The following TMEM62 variants were observed in gnomAD, a reference collection of about 807,000 sequenced individuals.
TMEM62 encodes transmembrane protein 62.
TMEM62 carries 41 observed loss-of-function variants against 70.4 expected under a neutral mutation model. The ratio of observed to expected loss-of-function variants is 0.58; its 90% CI spans 0.45 to 0.76. TMEM62 has a LOEUF of 0.76. TMEM62 is among the 30% of genes least tolerant of loss of function. The pLI, the probability that TMEM62 is intolerant of heterozygous loss-of-function variation, is 0.00. For missense variants in TMEM62, 688 were observed against 788.5 expected (o/e 0.87, Z 1.53); for synonymous variants, 268 against 291.0 (o/e 0.92, Z 0.80).
chr15:43,157,423 A>G (rs1393533343), intron 9 of TMEM62, among the ~76,000 whole-genome samples: 1 of 152,210 alleles, frequency 6.6e-6, no homozygotes, highest in Non-Finnish European at 1.5e-5. Flanking sequence ...TCTAATCTCA[A>G]ACATTAGAAA....
chr15:43,133,896 C>G lies in TMEM62; in HGVS notation c.94C>G (p.Pro32Ala). The G allele has an allele frequency of 2.0e-6, 3 of 1,500,488 alleles. No individual in the cohort carries two copies. The highest frequency in any genetic ancestry group is 2.6e-6 in the Non-Finnish European group (3 of 1,132,772). 92.9% of individuals were successfully genotyped at this position (1,500,488 alleles called of 1,614,324 possible). ...LLEHYGLAGQ[P>A]SPLPRPAPPR... is the part of the protein sequence containing the mutation. ...GGAGCACTACGGCCTGGCGGGCCAG[C>G]CCTCGCCGCTGCCGCGCCCCGCGCC... The change falls in exon 1 of 14, where the codon CCC becomes GCC. Residue 32 changes from proline (P) to alanine (A), a missense_variant. Coordinates refer to ENST00000260403, the MANE Select transcript of TMEM62 (RefSeq NM_024956.4).
intron 4 of TMEM62, among the ~76,000 whole-genome samples, chr15:43,142,415 G>A (rs894394461): frequency 6.6e-6 from 1 of 151,776 alleles, no homozygotes; most frequent in South Asian, 2.1e-4. Flanking sequence ...TGCCCACCTC[G>A]GCCTCCCAAA....
Position 43,160,753 on chromosome 15 carries a change from C to A in TMEM62, c.1255C>A (p.Pro419Thr). Reference protein sequence around the residue: ...VQENNHLSFDPLASFILRTDH... With the variant: ...VQENNHLSFDTLASFILRTDH... ...AGAGAATAATCATCTCAGTTTTGAT[C>A]CCCTGGCATCATTTATTCTCCGTAC... The change falls in exon 10 of 14, where the codon CCC (proline) becomes ACC (threonine). Residue 419 changes from proline to threonine, a missense_variant. Coordinates refer to ENST00000260403, the MANE Select transcript of TMEM62 (RefSeq NM_024956.4). The A allele has an allele frequency of 1.2e-6, 2 of 1,611,964 alleles. No homozygotes were observed. The highest frequency in any genetic ancestry group is 1.1e-5 in the South Asian group (1 of 90,922).
intron 4 of TMEM62, among the ~76,000 whole-genome samples, chr15:43,141,812 A>G (rs939237729): frequency 2.6e-5 from 4 of 152,312 alleles, no homozygotes; most frequent in Non-Finnish European, 4.4e-5. Flanking sequence ...GTTGATTCCA[A>G]CCCTCATGGA....
At chr15:43,169,351 T>C (rs2039948918) in intron 10 of TMEM62, among the ~76,000 whole-genome samples, 1 of 152,238 alleles carries the variant, frequency 6.6e-6, no homozygotes, top group Non-Finnish European at 1.5e-5. Flanking sequence ...ACTCTAGAGC[T>C]GTTTTAGGAG....
chr15:43,142,609 AT>A (rs1183488871), intron 4 of TMEM62, among the ~76,000 whole-genome samples: 1 of 152,034 alleles, frequency 6.6e-6, no homozygotes, highest in Non-Finnish European at 1.5e-5. Context: ...CAGTAAAAAG[AT>A]TTTGACTCGC....
At chr15:43,137,818 T>A (rs566097937) in intron 3 of TMEM62, among the ~76,000 whole-genome samples, 15 of 152,372 alleles carry the variant, frequency 9.8e-5, no homozygotes, top group African/African-American at 3.6e-4. Flanking sequence ...GAGGGTGGGC[T>A]GCCTGTCATG....
chr15:43,137,509 C>T lies in TMEM62; in HGVS notation c.431-1065C>T, dbSNP rs368490051. Among the ~76,000 whole-genome samples, 5 of 152,366 alleles carry T rather than the reference C, an allele frequency of 3.3e-5. No homozygotes were observed. In the East Asian group the frequency reaches 5.8e-4, roughly 18 times the overall value. ...CATTAAAAGTGTTATAGAAAGATGACAGAGGCTGCTACAGTCACGCCATGC... is the reference window on the plus strand; with the variant it reads ...CATTAAAAGTGTTATAGAAAGATGATAGAGGCTGCTACAGTCACGCCATGC... On this transcript the variant is annotated intron_variant, in intron 3 of 13. Coordinates refer to ENST00000260403, the MANE Select transcript of TMEM62 (RefSeq NM_024956.4).
At chr15:43,166,009 GTATT>G (rs1171891752) in intron 10 of TMEM62, among the ~76,000 whole-genome samples, 4 of 152,290 alleles carry the variant, frequency 2.6e-5, no homozygotes, top group Non-Finnish European at 5.9e-5. Context: ...GAAGAGTTAG[GTATT>G]TATTCTAATC....
At chr15:43,153,715 C>T (rs577377220) in intron 8 of TMEM62, among the ~76,000 whole-genome samples, 1 of 152,094 alleles carries the variant, frequency 6.6e-6, no homozygotes, top group South Asian at 2.1e-4. Context: ...TACACACATA[C>T]ACACATACCA....
chr15:43,148,799 G>C lies in TMEM62; in HGVS notation c.663G>C (p.Arg221=), dbSNP rs1218484637. 6.2e-7 allele frequency: 1 copy of C among 1,613,938 alleles called. No individual in the cohort carries two copies. The highest frequency in any genetic ancestry group is 8.5e-7 in the Non-Finnish European group (1 of 1,179,988). The change falls in exon 6 of 14, where the codon CGG becomes CGC. Residue 221 remains arginine, a synonymous_variant. Coordinates refer to ENST00000260403, the MANE Select transcript of TMEM62 (RefSeq NM_024956.4). The part of the protein sequence containing the change: ...ELLLLAKESS[R]SNHTIWFGHF... ...TATTACTGGCCAAGGAAAGCAGTCG[G>C]AGCAACCATACAATTTGGTTTGGAC... is the stretch of plus-strand genomic sequence containing the variant.
chr15:43,156,838 C>A (rs1047421997), intron 9 of TMEM62, among the ~76,000 whole-genome samples: 1 of 152,124 alleles, frequency 6.6e-6, no homozygotes. Flanking sequence ...TTGAAGTCAT[C>A]GCCTACAAAC....
intron 8 of TMEM62, among the ~76,000 whole-genome samples, chr15:43,153,365 A>G (rs2037641449): frequency 6.6e-6 from 1 of 152,194 alleles, no homozygotes; most frequent in Non-Finnish European, 1.5e-5. Flanking sequence ...TTTTGCAACC[A>G]TCACCATTAT....
At chr15:43,146,431 G>A in intron 4 of TMEM62, 62 bp from the exon 5 acceptor site, 1 of 1,502,396 alleles carries the variant, frequency 6.7e-7, no homozygotes, top group East Asian at 2.3e-5. Flanking sequence ...GCGTATTAGG[G>A]AAGGAATTTT....
rs141442322 is a variant in TMEM62, at chr15:43,152,031, T to C, written c.1022+86T>C. ...TGATTGCATTCCCATGTGAAAGCTA[T>C]GAGATGCCCCATTTTAGTTTTCTCA... On this transcript the variant is annotated intron_variant, in intron 8 of 13. Transcript: ENST00000260403. The C allele has an allele frequency of 1.5e-5, 15 of 1,005,800 alleles. No individual in the cohort carries two copies. In the East Asian group the frequency reaches 3.9e-4, roughly 26 times the overall value. 62.3% of individuals were successfully genotyped at this position (1,005,800 alleles called of 1,614,324 possible).
intron 10 of TMEM62, among the ~76,000 whole-genome samples, chr15:43,166,357 C>T (rs1460638897): frequency 1.3e-5 from 2 of 152,072 alleles, no homozygotes; most frequent in South Asian, 2.1e-4. Context: ...TCTAACATAC[C>T]AAAGTAGAGG....
At chr15:43,157,291 G>A (rs1393299496) in intron 9 of TMEM62, among the ~76,000 whole-genome samples, 2 of 152,196 alleles carry the variant, frequency 1.3e-5, no homozygotes, top group East Asian at 1.9e-4. Flanking sequence ...TTTGGAGATA[G>A]GACCTAGCAA....
intron 2 of TMEM62, among the ~76,000 whole-genome samples, chr15:43,134,900 A>C (rs2034996439): frequency 2.0e-5 from 3 of 152,194 alleles, no homozygotes; most frequent in Admixed American, 2.0e-4. Context: ...TGGGGAGAAG[A>C]AGCTAAAGGA....
At chr15:43,136,041 C>T (rs1187644967) in intron 3 of TMEM62, among the ~76,000 whole-genome samples, 4 of 152,158 alleles carry the variant, frequency 2.6e-5, no homozygotes, top group Non-Finnish European at 5.9e-5. Context: ...CCCCATCCCC[C>T]AGTCCTTTTT....
Sources: gnomAD v4.1 joint callset for allele counts (sites outside exome capture counted in the v4.1 genomes callset) on GRCh38, gnomAD v4.1.1 for gene constraint, MANE v1.5 for transcripts, NCBI Gene and HGNC (gene_info 2026-07-23, HGNC 2026-07-21) for gene names.